HABP4: variants seen among roughly 807,000 people sequenced by gnomAD.
HABP4 encodes hyaluronan binding protein 4.
Under a neutral mutation model 44.1 loss-of-function variants are expected in HABP4, and 32 were observed. The ratio of observed to expected loss-of-function variants is 0.73; its 90% CI spans 0.55 to 0.97. The LOEUF (loss-of-function observed/expected upper bound fraction) is 0.97, where lower values mean the gene tolerates loss of function less well. Ranked by LOEUF, HABP4 falls within the 50% of genes least tolerant of loss-of-function variation. HABP4 has a pLI of 0.00. For missense variants in HABP4, 503 were observed against 561.9 expected, an observed-to-expected ratio of 0.90 and a Z score of 1.06; for synonymous variants, 216 against 218.0, an observed-to-expected ratio of 0.99 and a Z score of 0.08.
intron 2 of HABP4, among the ~76,000 whole-genome samples, chr9:96,465,034 A>C (rs1285298791): frequency 1.3e-5 from 2 of 152,150 alleles, no homozygotes; most frequent in Non-Finnish European, 2.9e-5. Flanking sequence ...CCTGTCTAGC[A>C]CCTGCTTCTC....
At chr9:96,460,201 T>A (rs1379246439) in intron 2 of HABP4, among the ~76,000 whole-genome samples, 2 of 151,866 alleles carry the variant, frequency 1.3e-5, no homozygotes, top group Non-Finnish European at 2.9e-5. Context: ...TATGGAAGAG[T>A]AAGGTGGGAT....
At chr9:96,480,842 C>T (rs765255552) in intron 5 of HABP4, among the ~76,000 whole-genome samples, 8 of 152,158 alleles carry the variant, frequency 5.3e-5, no homozygotes, top group East Asian at 1.9e-4. Context: ...TTACCAATCA[C>T]GCCAGAAAGT....
At chr9:96,487,483 C>G (rs1280733554) in intron 6 of HABP4, among the ~76,000 whole-genome samples, 1 of 152,140 alleles carries the variant, frequency 6.6e-6, no homozygotes, top group Admixed American at 6.6e-5. Context: ...GTAGAACACT[C>G]AGGTAACCAT....
Position 96,450,220 on chromosome 9 carries a change from G to A in HABP4, c.-60G>A. On this transcript the variant is annotated 5_prime_UTR_variant, in exon 1 of 8. Coordinates refer to ENST00000375249, the MANE Select transcript of HABP4 (RefSeq NM_014282.4). This position sits in a 1 kb window ranked among gnomAD's most constrained non-coding sequence, Gnocchi z 4.8. ...GCGGGCGGCATGGGTCCTGGCCGCC[G>A]GCTTCGCTGAGACGCGCTCGCGTGG... 4 of 1,283,414 alleles carry A rather than the reference G, an allele frequency of 3.1e-6. No homozygotes were observed. The highest frequency in any genetic ancestry group is 2.1e-5 in the South Asian group (1 of 48,312). 79.5% of individuals were successfully genotyped at this position (1,283,414 alleles called of 1,614,324 possible).
chr9:96,473,485 A>G (rs1832729578), intron 5 of HABP4, among the ~76,000 whole-genome samples: 1 of 152,122 alleles, frequency 6.6e-6, no homozygotes, highest in South Asian at 2.1e-4. Context: ...CCACCACTGG[A>G]GCCCCTCACA....
chr9:96,452,044 G>T (rs1298243172), intron 1 of HABP4, among the ~76,000 whole-genome samples: 1 of 151,996 alleles, frequency 6.6e-6, no homozygotes, highest in Non-Finnish European at 1.5e-5. Flanking sequence ...TGGCTAACAC[G>T]GTGAAATCCC....
At chr9:96,462,486 A>G (rs1832519724) in intron 2 of HABP4, among the ~76,000 whole-genome samples, 1 of 151,846 alleles carries the variant, frequency 6.6e-6, no homozygotes, top group Non-Finnish European at 1.5e-5. Context: ...GGTGGTGCAC[A>G]GCTGTGATCT....
Position 96,490,269 on chromosome 9 carries a change from T to C in HABP4, c.*231T>C, listed in dbSNP as rs1041930314. ...GGTGACTGTGTTTTTATTGAAGGAA[T>C]TTCAAATGAAGAATAATGTTTAAAA... On this transcript the variant is annotated 3_prime_UTR_variant, in exon 8 of 8. Coordinates refer to ENST00000375249, the MANE Select transcript of HABP4 (RefSeq NM_014282.4). 1.8e-6 allele frequency: 1 copy of C among 566,074 alleles called. No homozygotes were observed. The highest frequency in any genetic ancestry group is 3.1e-6 in the Non-Finnish European group (1 of 318,032). 35.1% of individuals were successfully genotyped at this position (566,074 alleles called of 1,614,324 possible). A position where few individuals can be genotyped will look rare whatever the true frequency, so the allele number is the denominator to read the frequency against.
rs914626618 is a variant in HABP4, at chr9:96,484,600, C to T, written c.966C>T (p.Ala322=). The change falls in exon 6 of 8, where the codon GCC becomes GCT. Residue 322 remains alanine, a synonymous_variant. Coordinates refer to ENST00000375249, the MANE Select transcript of HABP4 (RefSeq NM_014282.4). ...RKPESTVPSK[A]VVIHKSKYRD... Reference sequence around the variant, plus strand: ...CAGAATCCACTGTTCCTTCCAAAGCCGTGGTGATTCACAAGTCAAAATACA... The same window carrying T: ...CAGAATCCACTGTTCCTTCCAAAGCTGTGGTGATTCACAAGTCAAAATACA... 6.9e-6 allele frequency: 11 copies of T among 1,595,324 alleles called. No homozygotes were observed. The highest frequency in any genetic ancestry group is 6.7e-5 in the African/African-American group (5 of 74,538).
At chr9:96,470,076 G>A (rs1348146769) in intron 4 of HABP4, among the ~76,000 whole-genome samples, 1 of 152,126 alleles carries the variant, frequency 6.6e-6, no homozygotes, top group Non-Finnish European at 1.5e-5. Flanking sequence ...GGAAGGCTGA[G>A]GCAGATGGAT....
intron 1 of HABP4, among the ~76,000 whole-genome samples, chr9:96,456,819 ATATC>A (rs1832401912): frequency 8.1e-6 from 1 of 123,592 alleles, no homozygotes; most frequent in Non-Finnish European, 1.7e-5. Context: ...ATATATATAT[ATATC>A]CATTAACTTG....
chr9:96,463,399 C>T lies in HABP4; in HGVS notation c.513-1938C>T, dbSNP rs1587676268. 1.3e-5 allele frequency among the ~76,000 whole-genome samples: 2 copies of T among 152,222 alleles called. 1 individual carries two copies. On this transcript the variant is annotated intron_variant, in intron 2 of 7. Transcript: ENST00000375249. ...TCCCCCAAGTAGCTGAGATTACAGG[C>T]GTCCGCCACAACGGCCGGCTAATTT...
At chr9:96,459,556 T>A (rs1244237453) in intron 2 of HABP4, among the ~76,000 whole-genome samples, 1 of 152,146 alleles carries the variant, frequency 6.6e-6, no homozygotes, top group African/African-American at 2.4e-5. Flanking sequence ...AAGTAGTGAA[T>A]CACATTTCAA....
At chr9:96,478,051 T>C (rs13289459) in intron 5 of HABP4, among the ~76,000 whole-genome samples, 3,855 of 152,356 alleles carry the variant, frequency 0.025, 71 homozygotes, top group Middle Eastern at 0.051. Flanking sequence ...TAGTAGTCTG[T>C]TATACAGGTG....
At chr9:96,480,365 C>T (rs1471631059) in intron 5 of HABP4, among the ~76,000 whole-genome samples, 1 of 152,070 alleles carries the variant, frequency 6.6e-6, no homozygotes, top group African/African-American at 2.4e-5. Context: ...TCACCAAGTT[C>T]TTTTCTAGAT....
rs1417858409 is a variant in HABP4, at chr9:96,456,776, AAAAAATATATATATATATATATATATAT to A, written c.350-1601_350-1574del. 1.6e-4 allele frequency among the ~76,000 whole-genome samples: 10 copies of A among 64,488 alleles called. No individual in the cohort carries two copies. In the East Asian group the frequency reaches 1.9e-3, roughly 12 times the overall value. 42.3% of individuals were successfully genotyped at this position (64,488 alleles called of 152,430 possible). ...CTCCATCTCAAAAAAAAAAAAAAAA[AAAAAATATATATATATATATATATATAT>A]ATATATATATATATATATCCATTAA... On this transcript the variant is annotated intron_variant, in intron 1 of 7. Coordinates refer to ENST00000375249, the MANE Select transcript of HABP4 (RefSeq NM_014282.4).
intron 6 of HABP4, among the ~76,000 whole-genome samples, chr9:96,487,416 T>C (rs781034727): frequency 1.3e-5 from 2 of 152,200 alleles, no homozygotes; most frequent in Non-Finnish European, 2.9e-5. Context: ...TCACAAGAGA[T>C]AGAATTTTAA....
chr9:96,466,922 CTTTT>C (rs200696039), intron 4 of HABP4, among the ~76,000 whole-genome samples: 1 of 134,918 alleles, frequency 7.4e-6, no homozygotes. Flanking sequence ...AGAATATAAG[CTTTT>C]TTTTTTTTTT....
intron 7 of HABP4, among the ~76,000 whole-genome samples, chr9:96,489,290 G>A (rs1216856470): frequency 2.0e-5 from 3 of 152,126 alleles, no homozygotes; most frequent in Non-Finnish European, 4.4e-5. Flanking sequence ...TCTGTCCCCT[G>A]CAGCACTCCA....
Sources: allele counts gnomAD v4.1 joint callset (sites outside exome capture counted in the v4.1 genomes callset), GRCh38; gene constraint gnomAD v4.1.1; non-coding constraint Gnocchi (gnomAD v3.1); transcripts MANE v1.5; gene names NCBI Gene and HGNC (gene_info 2026-07-23, HGNC 2026-07-21).